ARHGEF3: variants seen among roughly 807,000 people sequenced by gnomAD.
ARHGEF3 encodes Rho guanine nucleotide exchange factor 3.
A neutral mutation model predicts 63.2 loss-of-function variants in ARHGEF3; 28 were observed. The ratio of observed to expected loss-of-function variants is 0.44; its 90% CI spans 0.33 to 0.61. ARHGEF3 has a LOEUF of 0.61. Among genes scored for constraint, ARHGEF3 ranks in the 20% least tolerant of loss-of-function variants. ARHGEF3 has a pLI of 0.03. For synonymous variants in ARHGEF3, 266 were observed against 254.2 expected (o/e 1.05, Z -0.44); for missense variants, 533 against 659.3 (o/e 0.81, Z 2.10).
intron 8 of ARHGEF3, among the ~76,000 whole-genome samples, chr3:56,733,008 A>G (rs2033287658): frequency 6.6e-6 from 1 of 151,964 alleles, no homozygotes; most frequent in Non-Finnish European, 1.5e-5. Context: ...ACTAGGCCGG[A>G]TGCAGTGACT....
chr3:56,933,564 C>T (rs1020310792), intron 3 of ARHGEF3, among the ~76,000 whole-genome samples: 9 of 151,928 alleles, frequency 5.9e-5, no homozygotes, highest in Admixed American at 4.6e-4. Context: ...GGACCACAGG[C>T]GCGTGCCATC....
rs144875160 is a variant in ARHGEF3 at position 56,852,789 on chromosome 3, T to A, written c.192+29503A>T. ...AATATGCAGCTGATAATCTTTTCAGTTTCGGGCTGGGCTGGCTGATTCATC... is the reference window on the plus strand; with the variant it reads ...AATATGCAGCTGATAATCTTTTCAGATTCGGGCTGGGCTGGCTGATTCATC... On this transcript the variant is annotated intron_variant, in intron 4 of 12. Coordinates refer to the ARHGEF3 transcript ENST00000338458. Among the ~76,000 whole-genome samples the A allele has an allele frequency of 3.3e-3, 500 of 152,294 alleles. 6 individuals are homozygous for A. Among genetic ancestry groups the A allele is most frequent in the African/African-American group, 0.011 (472 of 41,556 alleles).
intron 4 of ARHGEF3, among the ~76,000 whole-genome samples, chr3:56,862,743 G>A (rs1210990340): frequency 6.6e-6 from 1 of 152,302 alleles, no homozygotes; most frequent in South Asian, 2.1e-4. Context: ...GTTTGTGGTT[G>A]CAGCTGAGCA....
intron 3 of ARHGEF3, among the ~76,000 whole-genome samples, chr3:56,946,019 G>T (rs990238684): frequency 5.9e-5 from 9 of 152,196 alleles, no homozygotes; most frequent in Non-Finnish European, 1.3e-4. Context: ...GGCAAACAGG[G>T]TCTGGAGTGG....
intron 2 of ARHGEF3, among the ~76,000 whole-genome samples, chr3:57,026,800 G>A (rs1207016047): frequency 6.6e-6 from 1 of 152,136 alleles, no homozygotes; most frequent in Non-Finnish European, 1.5e-5. Flanking sequence ...AACACTTCTC[G>A]ATTGTGCACT....
chr3:56,920,545 ACTT>A (rs1437453967), intron 3 of ARHGEF3, among the ~76,000 whole-genome samples: 3 of 152,212 alleles, frequency 2.0e-5, no homozygotes, highest in African/African-American at 7.2e-5. Context: ...TAGCAGAATT[ACTT>A]CTTCATTAAA....
chr3:56,929,495 T>C (rs1291430557), intron 3 of ARHGEF3, among the ~76,000 whole-genome samples: 1 of 152,200 alleles, frequency 6.6e-6, no homozygotes, highest in Non-Finnish European at 1.5e-5. Flanking sequence ...GGGATCTCAA[T>C]GAAATGCAGC....
chr3:56,971,006 G>T (rs1700885926), intron 2 of ARHGEF3, among the ~76,000 whole-genome samples: 2 of 152,208 alleles, frequency 1.3e-5, no homozygotes, highest in African/African-American at 4.8e-5. Context: ...GAGCACAGAA[G>T]GGACCCTGTA....
intron 2 of ARHGEF3, among the ~76,000 whole-genome samples, chr3:57,024,178 T>C (rs980242062): frequency 6.6e-6 from 1 of 151,984 alleles, no homozygotes; most frequent in Non-Finnish European, 1.5e-5. Flanking sequence ...CACCATGACA[T>C]TCTAACCTTG....
At chr3:56,807,625 C>G (rs1190611201) in intron 4 of ARHGEF3, among the ~76,000 whole-genome samples, 1 of 152,204 alleles carries the variant, frequency 6.6e-6, no homozygotes, top group Non-Finnish European at 1.5e-5. Flanking sequence ...CCAAGCCCCC[C>G]TCTCCTCTCT....
At chr3:56,734,088 G>A (rs1031100283) in intron 8 of ARHGEF3, among the ~76,000 whole-genome samples, 5 of 151,788 alleles carry the variant, frequency 3.3e-5, no homozygotes, top group African/African-American at 1.2e-4. Context: ...ACTGATGTGT[G>A]TGATGTTGGC....
At chr3:57,013,920 G>A (rs868148525) in intron 2 of ARHGEF3, among the ~76,000 whole-genome samples, 2 of 152,222 alleles carry the variant, frequency 1.3e-5, no homozygotes, top group South Asian at 4.1e-4. Flanking sequence ...GGAGCCAGCA[G>A]CGGCAACTCT....
At chr3:57,034,147 G>A (rs1194825447) in intron 2 of ARHGEF3, among the ~76,000 whole-genome samples, 1 of 151,808 alleles carries the variant, frequency 6.6e-6, no homozygotes, top group African/African-American at 2.4e-5. Flanking sequence ...TTAGAGATGG[G>A]AGTCTTGCTG....
intron 7 of ARHGEF3, among the ~76,000 whole-genome samples, chr3:56,744,949 TA>T (rs1477084966): frequency 6.6e-6 from 1 of 152,212 alleles, no homozygotes; most frequent in African/African-American, 2.4e-5. Flanking sequence ...GTCACCTGTA[TA>T]AAATTAAGAA....
At chr3:56,953,403 G>A (rs1699901313) in intron 3 of ARHGEF3, among the ~76,000 whole-genome samples, 1 of 152,250 alleles carries the variant, frequency 6.6e-6, no homozygotes, top group Non-Finnish European at 1.5e-5. Flanking sequence ...AAAAGACAAG[G>A]TTCTAGTCCT....
At chr3:56,753,438 G>C in intron 4 of ARHGEF3, 66 bp downstream of exon 4, 1 of 1,379,570 alleles carries the variant, frequency 7.2e-7, no homozygotes, top group Non-Finnish European at 1.0e-6. Flanking sequence ...CACCACTTTA[G>C]GGTTGTGAAA....
intron 1 of ARHGEF3, among the ~76,000 whole-genome samples, chr3:57,040,792 A>G (rs910064959): frequency 6.6e-6 from 1 of 151,910 alleles, no homozygotes. Flanking sequence ...AATGAAGCAG[A>G]CCCCAGCTGA....
At position 56,794,488 on chromosome 3, in the gene ARHGEF3, C is replaced by CA. The variant is rs10557985; in HGVS notation, c.96+7214dup. Among the ~76,000 whole-genome samples the CA allele has an allele frequency of 5.5e-3, 637 of 116,674 alleles. 3 individuals carry two copies. The highest frequency in any genetic ancestry group is 0.013 in the African/African-American group (397 of 31,118). The allele number at this position is 116,674 out of a possible 152,430, so 76.5% of individuals were successfully genotyped here. On this transcript the variant is annotated intron_variant, in intron 1 of 9. Transcript: ENST00000296315. The stretch of plus-strand genomic sequence containing the variant: ...GGGCAATAAGAGCGAGACTCTATCT[C>CA]AAAAAAAAAAAAAAAAAAAAAAAAG...
chr3:57,034,522 C>T (rs1703868635), intron 2 of ARHGEF3, among the ~76,000 whole-genome samples: 1 of 152,142 alleles, frequency 6.6e-6, no homozygotes, highest in Admixed American at 6.5e-5. Context: ...TATACCAACT[C>T]TTCCTTCTAA....
Sources: allele counts gnomAD v4.1 joint callset (sites outside exome capture counted in the v4.1 genomes callset), GRCh38; gene constraint gnomAD v4.1.1; transcripts MANE v1.5; gene names NCBI Gene and HGNC (gene_info 2026-07-23, HGNC 2026-07-21).